The following ABCE1 variants were observed in gnomAD, a reference collection of about 807,000 sequenced individuals.
ABCE1 encodes the protein ATP-binding cassette sub-family E member 1.
A neutral mutation model predicts 83.4 loss-of-function variants in ABCE1; 22 were observed. The observed-to-expected ratio is 0.26, with a 90% CI of 0.19 to 0.38. The LOEUF is 0.38. Among genes scored for constraint, ABCE1 ranks in the 10% least tolerant of loss-of-function variants. ABCE1 has a pLI of 1.00. For synonymous variants in ABCE1, 204 were observed against 233.7 expected (o/e 0.87, Z 1.16); for missense variants, 330 against 721.9 (o/e 0.46, Z 6.22).
intron 1 of ABCE1, among the ~76,000 whole-genome samples, chr4:145,104,028 A>C (rs996335353): frequency 6.6e-6 from 1 of 152,046 alleles, no homozygotes; most frequent in Non-Finnish European, 1.5e-5. Context: ...AAAAACTGAG[A>C]TAGCATGTCA....
At position 145,109,229 on chromosome 4, in the gene ABCE1, C is replaced by G; in HGVS notation, c.385C>G (p.Pro129Ala). ...ALKILAGKQK[P>A]NLGKYDDPPD... Reference sequence around the variant, plus strand: ...AAAAATTTTAGCAGGAAAACAAAAGCCAAACCTTGGAAAGTACGATGTATG... The same window carrying G: ...AAAAATTTTAGCAGGAAAACAAAAGGCAAACCTTGGAAAGTACGATGTATG... The change falls in exon 5 of 18, where the codon CCA becomes GCA. Residue 129 changes from proline to alanine, a missense_variant. Coordinates refer to ENST00000296577, the MANE Select transcript of ABCE1 (RefSeq NM_002940.3). 6.2e-7 allele frequency: 1 copy of G among 1,608,778 alleles called. No individual in the cohort carries two copies. Among genetic ancestry groups the G allele is most frequent in the Non-Finnish European group, 8.5e-7 (1 of 1,176,354 alleles).
In ABCE1 at chr4:145,112,264, T is replaced by A; in HGVS notation, c.736T>A (p.Tyr246Asn). The change falls in exon 9 of 18, where the codon TAC (tyrosine) becomes AAC (asparagine). Residue 246 changes from tyrosine (Y) to asparagine (N), a missense_variant. By Grantham distance (143) the Tyr-to-Asn change is moderately radical. Coordinates refer to ENST00000296577, the MANE Select transcript of ABCE1 (RefSeq NM_002940.3). ...TTTCATGTTTGATGAGCCTTCTAGT[T>A]ACCTAGATGTCAAGCAGCGTTTAAA... ...DIFMFDEPSSYLDVKQRLKAA... is the reference protein window; with the variant it reads ...DIFMFDEPSSNLDVKQRLKAA... 1 of 1,583,446 alleles carries A rather than the reference T, an allele frequency of 6.3e-7. No individual in the cohort carries two copies. The highest frequency in any genetic ancestry group is 1.4e-5 in the African/African-American group (1 of 72,830).
chr4:145,099,832 C>T (rs1407945653), intron 1 of ABCE1, among the ~76,000 whole-genome samples: 1 of 152,100 alleles, frequency 6.6e-6, no homozygotes, highest in African/African-American at 2.4e-5. Flanking sequence ...TCTAAGTATT[C>T]CTCACTTCCT....
intron 1 of ABCE1, among the ~76,000 whole-genome samples, chr4:145,103,380 T>A (rs1749208083): frequency 6.6e-6 from 1 of 152,226 alleles, no homozygotes; most frequent in African/African-American, 2.4e-5. Flanking sequence ...AGGCACCTTT[T>A]GGAATTTTTT....
chr4:145,125,876 C>A (rs1749869025), intron 17 of ABCE1, among the ~76,000 whole-genome samples: 2 of 152,072 alleles, frequency 1.3e-5, no homozygotes, highest in African/African-American at 4.8e-5. Context: ...CCCATCTCTA[C>A]TAAAAATACA....
At chr4:145,105,015 T>C (rs1560956918) in intron 2 of ABCE1, among the ~76,000 whole-genome samples, 1 of 152,060 alleles carries the variant, frequency 6.6e-6, no homozygotes, top group East Asian at 1.9e-4. Flanking sequence ...TTAAGGGCTA[T>C]GTTAAGTAAT....
intron 9 of ABCE1, among the ~76,000 whole-genome samples, chr4:145,114,528 T>G (rs1005936830): frequency 5.3e-5 from 8 of 152,082 alleles, no homozygotes; most frequent in African/African-American, 1.9e-4. Flanking sequence ...TGTAACTGTT[T>G]AGACACATCA....
intron 1 of ABCE1, among the ~76,000 whole-genome samples, chr4:145,101,665 T>A (rs1007981933): frequency 1.3e-5 from 2 of 152,184 alleles, no homozygotes; most frequent in African/African-American, 4.8e-5. Flanking sequence ...GAGATCAGAT[T>A]CTGGATGTTT....
intron 11 of ABCE1, among the ~76,000 whole-genome samples, chr4:145,120,448 T>C (rs1161750860): frequency 6.6e-6 from 1 of 152,110 alleles, no homozygotes; most frequent in African/African-American, 2.4e-5. Flanking sequence ...ATTAATCTTA[T>C]AAATTGACTA....
chr4:145,120,689 A>T (rs1014630183), intron 11 of ABCE1, among the ~76,000 whole-genome samples: 1 of 152,102 alleles, frequency 6.6e-6, no homozygotes, highest in African/African-American at 2.4e-5. Context: ...TTTGAATTGT[A>T]ATCTTACAGC....
In ABCE1 at chr4:145,128,684, C is replaced by A. The variant is rs1440891145; in HGVS notation, c.*1111C>A. On this transcript the variant is annotated 3_prime_UTR_variant, in exon 18 of 18. Coordinates refer to ENST00000296577, the MANE Select transcript of ABCE1 (RefSeq NM_002940.3). Reference sequence around the variant, plus strand: ...CCTGGAGCCACTTTAAGTTGTACTTCTGACTAAACTGGAATTATGAGTGAG... The same window carrying A: ...CCTGGAGCCACTTTAAGTTGTACTTATGACTAAACTGGAATTATGAGTGAG... The A allele has an allele frequency of 6.6e-6, 1 of 152,150 alleles. No individual in the cohort carries two copies. The highest frequency in any genetic ancestry group is 1.5e-5 in the Non-Finnish European group (1 of 68,016). The allele number at this position is 152,150 out of a possible 1,614,324, so 9.4% of individuals were successfully genotyped here.
intron 17 of ABCE1, 73 bp downstream of exon 17, chr4:145,125,174 C>A: frequency 1.8e-6 from 2 of 1,132,184 alleles, no homozygotes; most frequent in Non-Finnish European, 2.6e-6. Flanking sequence ...ATTTAAAAAT[C>A]AATAACATAT....
In ABCE1 at chr4:145,129,125, C is replaced by G. The variant is rs1281747035; in HGVS notation, c.*1552C>G. 1 of 152,042 alleles carries G rather than the reference C, an allele frequency of 6.6e-6. No homozygotes were observed. The highest frequency in any genetic ancestry group is 2.4e-5 in the African/African-American group (1 of 41,412). 9.4% of individuals were successfully genotyped at this position (152,042 alleles called of 1,614,324 possible). On this transcript the variant is annotated 3_prime_UTR_variant, in exon 18 of 18. Coordinates refer to ENST00000296577, the MANE Select transcript of ABCE1 (RefSeq NM_002940.3). ...AGGATAGGTTAAATTTGTGAATGAT[C>G]ATTTCAAATATATTGAATAAAATAA...
intron 1 of ABCE1, among the ~76,000 whole-genome samples, chr4:145,099,859 TAAG>T (rs1315021511): frequency 1.3e-5 from 2 of 152,212 alleles, no homozygotes; most frequent in Non-Finnish European, 2.9e-5. Context: ...CTCTCAGCTG[TAAG>T]AATGACACTG....
chr4:145,099,894 A>G (rs1054335934), intron 1 of ABCE1, among the ~76,000 whole-genome samples: 2 of 152,118 alleles, frequency 1.3e-5, no homozygotes, highest in African/African-American at 4.8e-5. Flanking sequence ...TCTAGTGTCA[A>G]TTTTGAACAC....
chr4:145,112,149 T>C (rs1749494256), intron 8 of ABCE1, 90 bp from the exon 9 acceptor site: 1 of 851,578 alleles, frequency 1.2e-6, no homozygotes, highest in Non-Finnish European at 1.8e-6. Context: ...ACTCAAAAGC[T>C]CTTGATACTA....
intron 1 of ABCE1, among the ~76,000 whole-genome samples, chr4:145,100,240 G>A (rs1268507688): frequency 6.6e-6 from 1 of 152,122 alleles, no homozygotes; most frequent in African/African-American, 2.4e-5. Flanking sequence ...TATAGTCCCA[G>A]CTATTCGGGA....
chr4:145,106,222 T>G (rs1010253434), intron 3 of ABCE1, among the ~76,000 whole-genome samples: 1 of 151,954 alleles, frequency 6.6e-6, no homozygotes, highest in African/African-American at 2.4e-5. Flanking sequence ...TAAAAGAAAT[T>G]TAGGAGCTAA....
intron 3 of ABCE1, among the ~76,000 whole-genome samples, chr4:145,107,199 C>T (rs919040723): frequency 3.3e-5 from 5 of 151,796 alleles, no homozygotes; most frequent in Non-Finnish European, 7.4e-5. Flanking sequence ...TCCGAGAATT[C>T]AAGTATCTTA....
Sources: allele counts gnomAD v4.1 joint callset (sites outside exome capture counted in the v4.1 genomes callset), GRCh38; gene constraint gnomAD v4.1.1; transcripts MANE v1.5; gene names NCBI Gene and HGNC (gene_info 2026-07-23, HGNC 2026-07-21).